The following CYSLTR1 variants were observed in gnomAD, a reference collection of about 807,000 sequenced individuals.
CYSLTR1 encodes the protein G-protein coupled receptor HG55.
CYSLTR1 carries 1 observed loss-of-function variant against 2.1 expected under a neutral mutation model. The observed-to-expected ratio is 0.48, with a 90% CI of 0.17 to 2.28. CYSLTR1 has a LOEUF of 2.28. Ranked by LOEUF, CYSLTR1 falls within the 30% of genes most tolerant of loss-of-function variation. CYSLTR1 has a pLI of 0.26. For missense variants in CYSLTR1, 299 were observed against 250.1 expected (o/e 1.20, Z -1.32); for synonymous variants, 110 against 89.6 (o/e 1.23, Z -1.28).
At chrX:78,278,727 C>A (rs1005024426) in intron 2 of CYSLTR1, among the ~76,000 whole-genome samples, 5 of 112,170 alleles carry the variant, frequency 4.5e-5, no homozygotes, top group Admixed American at 3.8e-4. Flanking sequence ...GCTAGAGTAA[C>A]CAAACAGCAT....
chrX:78,320,532 A>G (rs1403998040), intron 1 of CYSLTR1: 6 of 111,832 alleles, frequency 5.4e-5, no homozygotes, highest in Admixed American at 3.8e-4. Flanking sequence ...TATAGTTTGA[A>G]GTTGGGTAGC....
chrX:78,291,920 T>G (rs1229761635), intron 1 of CYSLTR1, among the ~76,000 whole-genome samples: 2 of 109,084 alleles, frequency 1.8e-5, no homozygotes, highest in African/African-American at 6.6e-5. Context: ...AAAAAACAGC[T>G]CCTGGATTCA....
intron 1 of CYSLTR1, among the ~76,000 whole-genome samples, chrX:78,297,269 G>T (rs781301388): frequency 1.3e-4 from 14 of 111,819 alleles, no homozygotes; most frequent in Admixed American, 3.8e-4. Context: ...TCTTTGTAAT[G>T]TATTGTCAAA....
chrX:78,287,238 C>G (rs1008912723), intron 1 of CYSLTR1, among the ~76,000 whole-genome samples: 2 of 111,761 alleles, frequency 1.8e-5, no homozygotes, highest in Admixed American at 1.9e-4. Flanking sequence ...TTGCTTTACT[C>G]AAAGTCACGA....
intron 1 of CYSLTR1, among the ~76,000 whole-genome samples, chrX:78,324,738 A>T (rs1923805693): frequency 1.8e-5 from 2 of 112,116 alleles, no homozygotes; most frequent in South Asian, 3.7e-4. Context: ...GGGTTGACTA[A>T]TATAAATATA....
chrX:78,287,709 C>T (rs759778255), intron 1 of CYSLTR1, among the ~76,000 whole-genome samples: 29 of 111,447 alleles, frequency 2.6e-4, no homozygotes, highest in African/African-American at 8.8e-4. Flanking sequence ...ATATAAAATT[C>T]TAGATAAACT....
chrX:78,299,815 T>G (rs181307826), intron 1 of CYSLTR1, among the ~76,000 whole-genome samples: 112 of 111,484 alleles, frequency 1.0e-3, no homozygotes, highest in Admixed American at 5.7e-3. Context: ...TTCTTGCACT[T>G]GGATATTGAT....
At chrX:78,323,906 T>C (rs1182733887) in intron 1 of CYSLTR1, among the ~76,000 whole-genome samples, 1 of 111,927 alleles carries the variant, frequency 8.9e-6, no homozygotes, top group Non-Finnish European at 1.9e-5. Flanking sequence ...AAATCAACTA[T>C]GTGTTAAATG....
At chrX:78,281,120 G>C (rs1208765371) in intron 2 of CYSLTR1, among the ~76,000 whole-genome samples, 1 of 111,112 alleles carries the variant, frequency 9.0e-6, no homozygotes, top group African/African-American at 3.3e-5. Context: ...ATTGCTGGGT[G>C]GAATGATAGT....
At chrX:78,281,398 C>T (rs567247369) in intron 2 of CYSLTR1, among the ~76,000 whole-genome samples, 12 of 110,337 alleles carry the variant, frequency 1.1e-4, no homozygotes, top group East Asian at 2.8e-4. Flanking sequence ...TCCCGAGTAA[C>T]GGATTACAGT....
intron 2 of CYSLTR1, among the ~76,000 whole-genome samples, chrX:78,278,435 G>A (rs1300381137): frequency 1.8e-5 from 2 of 111,776 alleles, no homozygotes; most frequent in Non-Finnish European, 3.8e-5. Flanking sequence ...TCTCTACAAT[G>A]AGAATTACAA....
At chrX:78,321,081 A>C (rs978067209) in intron 1 of CYSLTR1, 7 of 109,676 alleles carry the variant, frequency 6.4e-5, no homozygotes, top group African/African-American at 2.3e-4. Flanking sequence ...AGAGCTTTTG[A>C]GTAATAGAGC....
At chrX:78,321,595 CAGG>C (rs1197052872) in intron 1 of CYSLTR1, 1 of 108,062 alleles carries the variant, frequency 9.3e-6, no homozygotes, top group East Asian at 2.9e-4. Flanking sequence ...GAGGCTGAGG[CAGG>C]AGAACTGCTT....
chrX:78,276,799 A>G (rs908293275), intron 2 of CYSLTR1, among the ~76,000 whole-genome samples: 2 of 110,787 alleles, frequency 1.8e-5, no homozygotes, highest in Non-Finnish European at 3.8e-5. Flanking sequence ...GATCCTTGGA[A>G]AAAAGGCATT....
chrX:78,311,626 T>C (rs1923222150), intron 1 of CYSLTR1, among the ~76,000 whole-genome samples: 3 of 111,940 alleles, frequency 2.7e-5, no homozygotes, highest in African/African-American at 9.7e-5. Flanking sequence ...TAACAAAAAA[T>C]TCAGTAAAGT....
At chrX:78,292,865 T>C (rs1168653233) in intron 1 of CYSLTR1, among the ~76,000 whole-genome samples, 1 of 109,160 alleles carries the variant, frequency 9.2e-6, no homozygotes, top group Non-Finnish European at 1.9e-5. Context: ...TGAGCCTATG[T>C]GTGTCTTTGC....
chrX:78,285,793 C>T (rs1922044222), intron 1 of CYSLTR1, among the ~76,000 whole-genome samples: 1 of 111,780 alleles, frequency 8.9e-6, no homozygotes, highest in Non-Finnish European at 1.9e-5. Context: ...ACATAGTAGG[C>T]ACTCAATATT....
At chrX:78,278,942 C>T (rs1318231662) in intron 2 of CYSLTR1, among the ~76,000 whole-genome samples, 1 of 112,348 alleles carries the variant, frequency 8.9e-6, no homozygotes, top group Non-Finnish European at 1.9e-5. Flanking sequence ...ATCCTTTCAC[C>T]ATCTACAAAA....
intron 1 of CYSLTR1, chrX:78,319,959 TG>T (rs1415817479): frequency 8.9e-6 from 1 of 112,093 alleles, no homozygotes; most frequent in Non-Finnish European, 1.9e-5. Context: ...TTGATGGGGT[TG>T]TTTTTTTCTT....
Sources: allele counts gnomAD v4.1 joint callset (sites outside exome capture counted in the v4.1 genomes callset), GRCh38; gene constraint gnomAD v4.1.1; transcripts MANE v1.5; gene names NCBI Gene and HGNC (gene_info 2026-07-23, HGNC 2026-07-21).